The following PRDM5 variants were observed in gnomAD, a reference collection of about 807,000 sequenced individuals.
The protein encoded by PRDM5 is PR/SET domain 5, also known as PR domain zinc finger protein 5.
In PRDM5, 56 loss-of-function variants were observed where a neutral mutation model predicts 81.2. The ratio of observed to expected loss-of-function variants is 0.69; its 90% CI spans 0.56 to 0.86. The LOEUF (loss-of-function observed/expected upper bound fraction) is 0.86, where lower values mean the gene tolerates loss of function less well. Among genes scored for constraint, PRDM5 ranks in the 40% least tolerant of loss-of-function variants. PRDM5 has a pLI of 0.00. For synonymous variants in PRDM5, 267 were observed against 256.4 expected (o/e 1.04, Z -0.39); for missense variants, 697 against 770.1 (o/e 0.91, Z 1.12).
At chr4:120,695,547 T>G (rs890536216) in intron 15 of PRDM5, among the ~76,000 whole-genome samples, 5 of 152,144 alleles carry the variant, frequency 3.3e-5, no homozygotes, top group African/African-American at 4.8e-5. Flanking sequence ...ACGGTCTAGA[T>G]GGCATCTCTC....
At chr4:120,872,154 A>AAAAAAAAAAAAAAAAAAAAAAC (rs1761885307) in intron 2 of PRDM5, among the ~76,000 whole-genome samples, 1 of 139,756 alleles carries the variant, frequency 7.2e-6, no homozygotes, top group African/African-American at 2.6e-5. Flanking sequence ...CCATCTCAAA[A>AAAAAAAAAAAAAAAAAAAAAAC]AAAAAAAAAA....
At position 120,889,755 on chromosome 4, in the gene PRDM5, T is replaced by C. The variant is rs545822704; in HGVS notation, c.177+17719A>G. Among the ~76,000 whole-genome samples, 53 of 152,310 alleles carry C rather than the reference T, an allele frequency of 3.5e-4. No individual in the cohort carries two copies. In the South Asian group the frequency reaches 0.011, roughly 32 times the overall value. ...GTAGGCCCTGATGTCTGTTGTTCCC[T>C]TCTTTTTCTCCATGTCTACTCATGT... On this transcript the variant is annotated intron_variant, in intron 2 of 15. Transcript: ENST00000264808.
chr4:120,711,874 C>T (rs1225474007), intron 14 of PRDM5, among the ~76,000 whole-genome samples: 1 of 152,054 alleles, frequency 6.6e-6, no homozygotes, highest in Non-Finnish European at 1.5e-5. Flanking sequence ...AATATTATTC[C>T]ATTCCAACAG....
intron 14 of PRDM5, among the ~76,000 whole-genome samples, chr4:120,712,217 C>T (rs956634118): frequency 6.6e-5 from 10 of 152,038 alleles, no homozygotes; most frequent in Admixed American, 3.9e-4. Context: ...ACCCAGGAGG[C>T]GGAGGTTGCA....
At chr4:120,902,996 C>T (rs1388932615) in intron 2 of PRDM5, among the ~76,000 whole-genome samples, 4 of 152,186 alleles carry the variant, frequency 2.6e-5, no homozygotes, top group Non-Finnish European at 5.9e-5. Context: ...AATGGCTCCC[C>T]AGGGGCTCTT....
At chr4:120,732,144 G>C (rs571157267) in intron 14 of PRDM5, among the ~76,000 whole-genome samples, 1 of 152,264 alleles carries the variant, frequency 6.6e-6, no homozygotes. Context: ...TCATCTAAAA[G>C]ACTGGTAGCT....
intron 3 of PRDM5, among the ~76,000 whole-genome samples, chr4:120,839,433 C>G (rs1006366467): frequency 6.6e-6 from 1 of 152,204 alleles, no homozygotes; most frequent in Non-Finnish European, 1.5e-5. Flanking sequence ...GAGAAGGTAA[C>G]TCCTCTCTCT....
intron 14 of PRDM5, among the ~76,000 whole-genome samples, chr4:120,722,791 A>G (rs1191965867): frequency 6.6e-6 from 1 of 152,134 alleles, no homozygotes; most frequent in East Asian, 1.9e-4. Flanking sequence ...GAGATTCTGG[A>G]AAAGGCCTCT....
rs1758345165 is a variant in PRDM5 at position 120,843,926 on chromosome 4, A to G, written c.300+9492T>C. On this transcript the variant is annotated intron_variant, in intron 3 of 15. Transcript: ENST00000264808. ...TAAAGTCTTTATCTTTCCAAAGAGA[A>G]GAATGGCCACAGAGCACAGCAAGCA... Among the ~76,000 whole-genome samples, 3 of 152,126 alleles carry G rather than the reference A, an allele frequency of 2.0e-5. No individual in the cohort carries two copies. The South Asian group carries it at 6.2e-4, about 32-fold the overall frequency.
rs143494377 is a variant in PRDM5 at position 120,739,516 on chromosome 4, C to A, written c.1623+15037G>T. On this transcript the variant is annotated intron_variant, in intron 14 of 15. Transcript: ENST00000264808. The stretch of plus-strand genomic sequence containing the variant: ...AACTGTAGAAAAATCACAGCCAATG[C>A]CTCTAGTCAGTTCAATCCCTCACAT... 1.6e-3 allele frequency among the ~76,000 whole-genome samples: 246 copies of A among 152,296 alleles called. 7 individuals carry two copies. In the East Asian group the frequency reaches 0.039, roughly 24 times the overall value.
chr4:120,862,329 G>A (rs1484385962), intron 2 of PRDM5, among the ~76,000 whole-genome samples: 18 of 152,172 alleles, frequency 1.2e-4, no homozygotes, highest in Admixed American at 1.2e-3. Context: ...TCAGTATGAG[G>A]AAGCAGAAAA....
intron 2 of PRDM5, among the ~76,000 whole-genome samples, chr4:120,902,055 T>C (rs1765282824): frequency 6.6e-6 from 1 of 152,188 alleles, no homozygotes; most frequent in Non-Finnish European, 1.5e-5. Context: ...TTCTGAGAAC[T>C]TATCAGGGCA....
chr4:120,870,479 T>G (rs1237197409), intron 2 of PRDM5, among the ~76,000 whole-genome samples: 1 of 151,544 alleles, frequency 6.6e-6, no homozygotes, highest in Non-Finnish European at 1.5e-5. Flanking sequence ...AGCCACCTAG[T>G]GGGGGGTGGG....
chr4:120,878,496 G>A (rs533348955), intron 2 of PRDM5, among the ~76,000 whole-genome samples: 63 of 152,188 alleles, frequency 4.1e-4, no homozygotes, highest in Non-Finnish European at 7.9e-4. Flanking sequence ...ATCTAGGTAA[G>A]CTTGTGTTTG....
intron 10 of PRDM5, among the ~76,000 whole-genome samples, chr4:120,789,610 T>C (rs911715368): frequency 8.5e-5 from 13 of 152,138 alleles, no homozygotes; most frequent in African/African-American, 3.1e-4. Context: ...TCAGGTTTCA[T>C]GTCATAGCAC....
At position 120,847,819 on chromosome 4, in the gene PRDM5, T is replaced by C. The variant is rs961312735; in HGVS notation, c.300+5599A>G. Among the ~76,000 whole-genome samples, 3 of 150,768 alleles carry C rather than the reference T, an allele frequency of 2.0e-5. No homozygotes were observed. The South Asian group carries it at 6.4e-4, about 32-fold the overall frequency. ...TTCATATTAGTCAAAGATAAGGTTA[T>C]AAAAGATTCTGTTTTACCGCTGGGT... On this transcript the variant is annotated intron_variant, in intron 3 of 15. Transcript: ENST00000264808.
intron 1 of PRDM5, among the ~76,000 whole-genome samples, chr4:120,921,903 CA>C (rs1724975675): frequency 1.3e-5 from 2 of 152,130 alleles, no homozygotes; most frequent in South Asian, 4.1e-4. Flanking sequence ...TATAGACACT[CA>C]AAGATCATCT....
chr4:120,753,157 C>T (rs540420240), intron 14 of PRDM5, among the ~76,000 whole-genome samples: 1 of 152,206 alleles, frequency 6.6e-6, no homozygotes, highest in Non-Finnish European at 1.5e-5. Flanking sequence ...GGCCCCTTTG[C>T]CTTTTTGTCG....
rs555404200 is a variant in PRDM5 at position 120,841,020 on chromosome 4, T to C, written c.300+12398A>G. 2.6e-5 allele frequency among the ~76,000 whole-genome samples: 4 copies of C among 152,320 alleles called. No individual in the cohort carries two copies. In the East Asian group the frequency reaches 7.7e-4, roughly 29 times the overall value. ...GACCCCAGTGAAAAAGTCTAGAACT[T>C]ATTCCTCCTATCTTGCTGTAATTTT... On this transcript the variant is annotated intron_variant, in intron 3 of 15. Coordinates refer to ENST00000264808, the MANE Select transcript of PRDM5 (RefSeq NM_018699.4).
Sources: gnomAD v4.1 joint callset for allele counts (sites outside exome capture counted in the v4.1 genomes callset) on GRCh38, gnomAD v4.1.1 for gene constraint, MANE v1.5 for transcripts, NCBI Gene and HGNC (gene_info 2026-07-23, HGNC 2026-07-21) for gene names.